RBBP6: variants seen among roughly 807,000 people sequenced by gnomAD.
The protein encoded by RBBP6 is RB binding protein 6, ubiquitin ligase.
In RBBP6, 25 loss-of-function variants were observed where a neutral mutation model predicts 167.7. The observed-to-expected ratio is 0.15, with a 90% CI of 0.11 to 0.21. The LOEUF (loss-of-function observed/expected upper bound fraction) is 0.21, where lower values mean the gene tolerates loss of function less well. Ranked by LOEUF, RBBP6 falls within the 10% of genes least tolerant of loss-of-function variation. RBBP6 has a pLI of 1.00. For synonymous variants in RBBP6, 789 were observed against 735.8 expected (o/e 1.07, Z -1.17); for missense variants, 1,868 against 2,134.2 (o/e 0.88, Z 2.46).
chr16:24,556,999 T>TTG (rs1212059821), intron 7 of RBBP6, among the ~76,000 whole-genome samples: 7 of 145,810 alleles, frequency 4.8e-5, no homozygotes. Context: ...TAATGCCTTT[T>TTG]TTTTTTTTTT....
chr16:24,554,630 A>G (rs959769683), intron 4 of RBBP6: 1 of 152,130 alleles, frequency 6.6e-6, no homozygotes, highest in Non-Finnish European at 1.5e-5. Context: ...AAAGTGGTTT[A>G]GTATAGAGTT....
intron 2 of RBBP6, among the ~76,000 whole-genome samples, chr16:24,546,494 A>G (rs1489485964): frequency 6.6e-6 from 1 of 152,164 alleles, no homozygotes; most frequent in East Asian, 1.9e-4. Flanking sequence ...ATTTTTCTCC[A>G]TATGGCCAGT....
chr16:24,543,785 A>G (rs879376306), intron 1 of RBBP6, among the ~76,000 whole-genome samples: 20 of 152,288 alleles, frequency 1.3e-4, no homozygotes, highest in Non-Finnish European at 2.9e-4. Flanking sequence ...TTCTGAAATT[A>G]AAGTGTGAGA....
intron 14 of RBBP6, 105 bp downstream of exon 14, chr16:24,564,970 G>A: frequency 1.4e-6 from 2 of 1,480,616 alleles, no homozygotes; most frequent in Non-Finnish European, 1.8e-6. Context: ...GGGGTCATTT[G>A]TTTGTATTGT....
At chr16:24,563,098 C>A in intron 10 of RBBP6, 101 bp from the exon 11 acceptor site, 1 of 829,154 alleles carries the variant, frequency 1.2e-6, no homozygotes, top group Non-Finnish European at 1.9e-6. Flanking sequence ...TGACTTAACT[C>A]ATCTTAACTG....
At position 24,540,606 on chromosome 16, in the gene RBBP6, C is replaced by T; in HGVS notation, c.-21C>T. ...AGAGTGTCCACGTCTCCTCGCTGAA[C>T]CTTAGGAATCCCTTGGCACCATGTC... On this transcript the variant is annotated 5_prime_UTR_variant, in exon 1 of 18. Coordinates refer to ENST00000319715, the MANE Select transcript of RBBP6 (RefSeq NM_006910.5). 6.2e-7 allele frequency: 1 copy of T among 1,602,554 alleles called. No homozygotes were observed. The highest frequency in any genetic ancestry group is 8.5e-7 in the Non-Finnish European group (1 of 1,172,926).
chr16:24,568,791 A>G lies in RBBP6; in HGVS notation c.2101A>G (p.Thr701Ala), dbSNP rs1342652074. The G allele has an allele frequency of 6.2e-7, 1 of 1,614,184 alleles. No homozygotes were observed. The highest frequency in any genetic ancestry group is 8.5e-7 in the Non-Finnish European group (1 of 1,180,026). Residue 701 changes from threonine (T) to alanine (A), a missense_variant, in exon 17 of 18, where the codon ACT (threonine) becomes GCT (alanine). Coordinates refer to ENST00000319715, the MANE Select transcript of RBBP6 (RefSeq NM_006910.5). ...TTCTTCGTATTCAAGAAGTTCATATACTTATTCTAAATCAAGATCTGGTTC... is the reference window on the plus strand; with the variant it reads ...TTCTTCGTATTCAAGAAGTTCATATGCTTATTCTAAATCAAGATCTGGTTC... ...SGSSYSRSSY[T>A]YSKSRSGSTR...
intron 3 of RBBP6, among the ~76,000 whole-genome samples, chr16:24,551,801 CTA>C (rs1898802955): frequency 1.3e-5 from 2 of 151,372 alleles, no homozygotes; most frequent in Non-Finnish European, 3.0e-5. Context: ...TTTTTAAAGA[CTA>C]TTTGTTTTAT....
chr16:24,567,566 T>C, intron 15 of RBBP6, 61 bp downstream of exon 15: 2 of 1,505,832 alleles, frequency 1.3e-6, no homozygotes, highest in South Asian at 2.7e-5. Context: ...TAACATTAAA[T>C]AGGTGTCTGG....
Position 24,562,047 on chromosome 16 carries a change from C to G in RBBP6, c.1175C>G (p.Ser392Cys), listed in dbSNP as rs148200022. 1 of 1,612,498 alleles carries G rather than the reference C, an allele frequency of 6.2e-7. No individual in the cohort carries two copies. Residue 392 changes from serine (S) to cysteine (C), a missense_variant, in exon 10 of 18, where the codon TCT (serine) becomes TGT (cysteine). Coordinates refer to ENST00000319715, the MANE Select transcript of RBBP6 (RefSeq NM_006910.5). The part of the protein sequence containing the change: ...PSISSLTSNQ[S>C]SLAPPVSGNP... ...ATATCTTCATTAACTTCTAATCAGT[C>G]TTCCTTGGCCCCTCCTGTGTCTGGA...
At chr16:24,559,725 T>C (rs1334430367) in intron 8 of RBBP6, 48 bp downstream of exon 8, 2 of 1,446,672 alleles carry the variant, frequency 1.4e-6, no homozygotes, top group South Asian at 3.1e-5. Flanking sequence ...AATATTTGTA[T>C]TTACTTGGAA....
Position 24,561,981 on chromosome 16 carries a change from T to G in RBBP6, c.1109T>G (p.Met370Arg). 6.2e-7 allele frequency: 1 copy of G among 1,613,842 alleles called. No individual in the cohort carries two copies. The highest frequency in any genetic ancestry group is 8.5e-7 in the Non-Finnish European group (1 of 1,179,808). Residue 370 changes from methionine to arginine, a missense_variant, in exon 10 of 18, where the codon ATG (methionine) becomes AGG (arginine). Around this residue, in one of 7 missense-constraint regions of RBBP6, gnomAD observed 245 missense variants for 240.1 expected, o/e 1.02. Coordinates refer to ENST00000319715, the MANE Select transcript of RBBP6 (RefSeq NM_006910.5). ...ATATCAAGACAACAAGATCCTCTTA[T>G]GATTCCAGTGACATCTTCATCAACT... ...SPISRQQDPL[M>R]IPVTSSSTHP...
chr16:24,570,781 C>T, intron 17 of RBBP6, 95 bp from the exon 18 acceptor site: 1 of 1,058,626 alleles, frequency 9.4e-7, no homozygotes, highest in East Asian at 2.9e-5. Flanking sequence ...GTTAAAAGGA[C>T]ATTTGTGTTT....
intron 4 of RBBP6, chr16:24,553,795 CTTAA>C (rs1898853984): frequency 6.7e-6 from 2 of 296,820 alleles, no homozygotes; most frequent in Admixed American, 4.9e-5. Context: ...TGAAGCTACA[CTTAA>C]TTATTTTTTT....
At chr16:24,549,242 T>G in intron 3 of RBBP6, 1 of 1,337,774 alleles carries the variant, frequency 7.5e-7, no homozygotes, top group Non-Finnish European at 9.6e-7. Flanking sequence ...TGACACTGTG[T>G]TGTACAGTTA....
chr16:24,557,768 T>C (rs926872296), intron 7 of RBBP6, among the ~76,000 whole-genome samples: 1 of 152,220 alleles, frequency 6.6e-6, no homozygotes, highest in African/African-American at 2.4e-5. Flanking sequence ...GTTCCTCAGC[T>C]TCATGCTATA....
chr16:24,556,266 G>T (rs751312492), intron 6 of RBBP6, 42 bp from the exon 7 acceptor site: 3 of 1,462,134 alleles, frequency 2.1e-6, no homozygotes, highest in African/African-American at 2.8e-5. Context: ...AAAGATAACT[G>T]CTTTTTCTCT....
chr16:24,559,801 A>G (rs1480955675), intron 8 of RBBP6, 124 bp downstream of exon 8: 3 of 859,880 alleles, frequency 3.5e-6, no homozygotes, highest in African/African-American at 1.8e-5. Flanking sequence ...GTGTTGATCA[A>G]TGAGCATTAA....
chr16:24,566,811 G>C (rs1899206308), intron 14 of RBBP6, among the ~76,000 whole-genome samples: 1 of 152,168 alleles, frequency 6.6e-6, no homozygotes, highest in Non-Finnish European at 1.5e-5. Context: ...TAACCTGTCA[G>C]TGCCTTCAAA....
Sources: allele counts gnomAD v4.1 joint callset (sites outside exome capture counted in the v4.1 genomes callset), GRCh38; gene constraint gnomAD v4.1.1; regional missense constraint gnomAD v4.1.1; transcripts MANE v1.5; gene names NCBI Gene and HGNC (gene_info 2026-07-23, HGNC 2026-07-21).